The following THADA variants were observed in gnomAD, a reference collection of about 807,000 sequenced individuals.
THADA encodes THADA armadillo repeat containing, also known as tRNA (32-2'-O)-methyltransferase regulator THADA.
In THADA, 213 loss-of-function variants were observed where a neutral mutation model predicts 219.8. That is an observed-to-expected ratio of 0.97 (90% confidence interval 0.87 to 1.09). The LOEUF (loss-of-function observed/expected upper bound fraction) is 1.09. THADA is among the 50% of genes least tolerant of loss of function. THADA has a pLI of 0.00. For synonymous variants in THADA, 1,018 were observed against 828.9 expected (o/e 1.23, Z -3.92); for missense variants, 2,956 against 2,311.3 (o/e 1.28, Z -5.72).
At chr2:43,388,977 G>T (rs1673033746) in intron 29 of THADA, among the ~76,000 whole-genome samples, 2 of 152,154 alleles carry the variant, frequency 1.3e-5, no homozygotes, top group African/African-American at 4.8e-5. Flanking sequence ...GGCAGTAGCA[G>T]CAAGTATTAA....
chr2:43,537,521 A>G (rs977736363), intron 21 of THADA, among the ~76,000 whole-genome samples: 1 of 152,258 alleles, frequency 6.6e-6, no homozygotes, highest in Non-Finnish European at 1.5e-5. Context: ...TGGCAAAAGA[A>G]AATACAAAAA....
chr2:43,465,188 A>C (rs574165906), intron 26 of THADA, among the ~76,000 whole-genome samples: 5 of 152,238 alleles, frequency 3.3e-5, no homozygotes, highest in Non-Finnish European at 7.3e-5. Context: ...TATCCAAATG[A>C]AAATGGAGGT....
At chr2:43,315,832 A>G (rs1678014311) in intron 31 of THADA, among the ~76,000 whole-genome samples, 1 of 152,212 alleles carries the variant, frequency 6.6e-6, no homozygotes, top group African/African-American at 2.4e-5. Context: ...TCCTGTAAGG[A>G]TGAGGGCAGA....
At chr2:43,488,720 A>G (rs1221403012) in intron 25 of THADA, among the ~76,000 whole-genome samples, 1 of 152,208 alleles carries the variant, frequency 6.6e-6, no homozygotes, top group Admixed American at 6.5e-5. Flanking sequence ...TTGGTCACAG[A>G]GTAACTCTAT....
chr2:43,591,265 G>C (rs1208312029), intron 3 of THADA, among the ~76,000 whole-genome samples: 1 of 152,052 alleles, frequency 6.6e-6, no homozygotes, highest in Non-Finnish European at 1.5e-5. Flanking sequence ...TTGAGGCTGT[G>C]GTTGAGCCAA....
At chr2:43,398,202 T>A in intron 28 of THADA, 63 bp from the exon 29 acceptor site, 3 of 1,540,958 alleles carry the variant, frequency 1.9e-6, no homozygotes, top group Non-Finnish European at 2.7e-6. Context: ...ACTTTGTATA[T>A]ACTTACATTC....
intron 12 of THADA, among the ~76,000 whole-genome samples, 154 bp from the exon 13 acceptor site, chr2:43,572,016 C>CTGTA (rs1699359155): frequency 6.6e-6 from 1 of 152,176 alleles, no homozygotes; most frequent in South Asian, 2.1e-4. Context: ...CTCAAAGATC[C>CTGTA]TAGGGTTATT....
intron 20 of THADA, among the ~76,000 whole-genome samples, chr2:43,546,169 T>C (rs1574189767): frequency 6.6e-6 from 1 of 151,626 alleles, no homozygotes; most frequent in Non-Finnish European, 1.5e-5. Flanking sequence ...TCAGTTTCCA[T>C]GTAGTTGAGT....
intron 26 of THADA, among the ~76,000 whole-genome samples, chr2:43,453,336 C>T (rs1682595256): frequency 6.6e-6 from 1 of 152,306 alleles, no homozygotes; most frequent in East Asian, 1.9e-4. Flanking sequence ...CCTGGAAGTA[C>T]TCAAATAATA....
At chr2:43,302,207 G>C (rs1019150277) in intron 31 of THADA, among the ~76,000 whole-genome samples, 3 of 152,024 alleles carry the variant, frequency 2.0e-5, no homozygotes, top group Non-Finnish European at 4.4e-5. Flanking sequence ...AACTTTGATA[G>C]ATTTGGGTTT....
chr2:43,584,336 A>C (rs763986557), intron 7 of THADA, among the ~76,000 whole-genome samples: 6 of 152,194 alleles, frequency 3.9e-5, no homozygotes, highest in Non-Finnish European at 8.8e-5. Context: ...TGGAGTAATA[A>C]ATTTGGGAAT....
At chr2:43,284,457 T>C (rs891921273) in intron 35 of THADA, among the ~76,000 whole-genome samples, 1 of 152,162 alleles carries the variant, frequency 6.6e-6, no homozygotes, top group Non-Finnish European at 1.5e-5. Flanking sequence ...CCTTGGTGGC[T>C]TTCATGTGGT....
chr2:43,595,173 T>C (rs1702007335), intron 1 of THADA, among the ~76,000 whole-genome samples: 1 of 152,216 alleles, frequency 6.6e-6, no homozygotes, highest in Admixed American at 6.5e-5. Flanking sequence ...GGCAGGAAGG[T>C]GGACTATCTG....
At chr2:43,384,332 G>GT (rs1209473959) in intron 29 of THADA, among the ~76,000 whole-genome samples, 8 of 152,012 alleles carry the variant, frequency 5.3e-5, no homozygotes, top group Non-Finnish European at 8.8e-5. Flanking sequence ...AGGGGTGTGA[G>GT]TAAGAGCTTA....
chr2:43,279,831 C>G lies in THADA; in HGVS notation c.5230G>C (p.Val1744Leu). The change falls in exon 36 of 38, where the codon GTT becomes CTT. Residue 1744 changes from valine (V) to leucine (L), a missense_variant. Physicochemically the swap from Val to Leu is conservative, Grantham distance 32. Coordinates refer to ENST00000405975, the MANE Select transcript of THADA (RefSeq NM_022065.5). Reference sequence around the variant, plus strand: ...ACGGTTTCCGTGGCTGCATCTCTAACAGCTTGCTCCTCACTCTGCAGAAGG... The same window carrying G: ...ACGGTTTCCGTGGCTGCATCTCTAAGAGCTTGCTCCTCACTCTGCAGAAGG... ...LTLLQSEEQA[V>L]RDAATETVTT... is the part of the protein sequence containing the mutation. 6.4e-7 allele frequency: 1 copy of G among 1,563,162 alleles called. No individual in the cohort carries two copies. Among genetic ancestry groups the G allele is most frequent in the African/African-American group, 1.4e-5 (1 of 74,018 alleles).
chr2:43,316,391 A>G (rs1027180255), intron 31 of THADA, among the ~76,000 whole-genome samples: 5 of 152,222 alleles, frequency 3.3e-5, no homozygotes, highest in African/African-American at 1.2e-4. Context: ...GAATGAAAAA[A>G]TAAATAAACA....
chr2:43,570,594 A>G, intron 13 of THADA, 84 bp from the exon 14 acceptor site: 1 of 1,404,592 alleles, frequency 7.1e-7, no homozygotes, highest in East Asian at 2.4e-5. Context: ...TTTAGAATAA[A>G]ACTTCAGGCA....
At chr2:43,416,153 G>GA (rs1229321404) in intron 28 of THADA, among the ~76,000 whole-genome samples, 5 of 152,072 alleles carry the variant, frequency 3.3e-5, no homozygotes, top group Middle Eastern at 3.4e-3. Flanking sequence ...ATTCTCCTGG[G>GA]AAAAAAATGA....
At chr2:43,367,655 T>C (rs1670318718) in intron 29 of THADA, among the ~76,000 whole-genome samples, 1 of 152,188 alleles carries the variant, frequency 6.6e-6, no homozygotes, top group Non-Finnish European at 1.5e-5. Flanking sequence ...AGGTACAAGA[T>C]TGTAGTAACT....
Sources: allele counts gnomAD v4.1 joint callset (sites outside exome capture counted in the v4.1 genomes callset), GRCh38; gene constraint gnomAD v4.1.1; transcripts MANE v1.5; gene names NCBI Gene and HGNC (gene_info 2026-07-23, HGNC 2026-07-21).